CA1: variants seen among roughly 807,000 people sequenced by gnomAD.
CA1 encodes the protein carbonate dehydratase I.
CA1 carries 27 observed loss-of-function variants against 28.8 expected under a neutral mutation model. The ratio of observed to expected loss-of-function variants is 0.94; its 90% CI spans 0.69 to 1.29. The LOEUF (loss-of-function observed/expected upper bound fraction) is 1.29, where lower values mean the gene tolerates loss of function less well. Among genes scored for constraint, CA1 ranks in the 50% most tolerant of loss-of-function variants. The pLI is 0.00. For missense variants in CA1, 335 were observed against 310.5 expected (o/e 1.08, Z -0.59); for synonymous variants, 121 against 108.8 (o/e 1.11, Z -0.70).
At chr8:85,363,869 C>T (rs1029193746) in intron 1 of CA1, among the ~76,000 whole-genome samples, 2 of 152,240 alleles carry the variant, frequency 1.3e-5, no homozygotes, top group African/African-American at 4.8e-5. Context: ...AACACCACCA[C>T]CTAGCAGGCA....
chr8:85,344,225 TAC>T (rs1344680109), intron 1 of CA1, among the ~76,000 whole-genome samples: 2 of 62,314 alleles, frequency 3.2e-5, no homozygotes, highest in Non-Finnish European at 5.7e-5. Flanking sequence ...TTATATTATA[TAC>T]AGTATATAAT....
chr8:85,360,935 C>A (rs2130342943), intron 1 of CA1, among the ~76,000 whole-genome samples: 1 of 152,312 alleles, frequency 6.6e-6, no homozygotes, highest in Non-Finnish European at 1.5e-5. Flanking sequence ...CCATTTCTCT[C>A]TTGCAGAACC....
chr8:85,360,226 A>G (rs1809742240), intron 1 of CA1, among the ~76,000 whole-genome samples: 1 of 152,352 alleles, frequency 6.6e-6, no homozygotes, highest in South Asian at 2.1e-4. Context: ...TACCTTAAAT[A>G]GAAAAATCAA....
At position 85,336,976 on chromosome 8, in the gene CA1, T is replaced by C. The variant is rs189637270; in HGVS notation, c.323A>G (p.His108Arg). The C allele has an allele frequency of 3.0e-5, 48 of 1,611,166 alleles. No individual in the cohort carries two copies. In the African/African-American group the frequency reaches 5.9e-4, roughly 20 times the overall value. Reference protein sequence around the residue: ...WGSTNEHGSEHTVDGVKYSAE... With the variant: ...WGSTNEHGSERTVDGVKYSAE... ...AGAATATTTGACTCCATCCACTGTA[T>C]GTTCTGAACCATGCTCATTTGTACT... Residue 108 changes from histidine (H) to arginine (R), a missense_variant, in exon 4 of 8, where the codon CAT becomes CGT. Physicochemically the swap from His to Arg is conservative, Grantham distance 29. Coordinates refer to ENST00000523022, the MANE Select transcript of CA1 (RefSeq NM_001128831.4).
Position 85,376,368 on chromosome 8 carries a change from A to G in CA1, c.-25+1678T>C, listed in dbSNP as rs559966293. Among the ~76,000 whole-genome samples, 29 of 151,838 alleles carry G rather than the reference A, an allele frequency of 1.9e-4. No individual in the cohort carries two copies. In the South Asian group the frequency reaches 2.1e-3, roughly 11 times the overall value. On this transcript the variant is annotated intron_variant, in intron 1 of 7. Coordinates refer to ENST00000523022, the MANE Select transcript of CA1 (RefSeq NM_001128831.4). ...AGTTATAAAAGAGGTAACTTTAAAA[A>G]TTGGGTAAGGGGGCCGGGCACGGTG... is the stretch of plus-strand genomic sequence containing the variant.
chr8:85,329,983 A>T (rs547885939), intron 6 of CA1, 139 bp from the exon 7 acceptor site: 1 of 717,668 alleles, frequency 1.4e-6, no homozygotes, highest in Non-Finnish European at 2.4e-6. Flanking sequence ...ACTATTTAGT[A>T]TTTCATGACT....
At chr8:85,351,681 G>A (rs544372150) in intron 1 of CA1, 1 of 152,322 alleles carries the variant, frequency 6.6e-6, no homozygotes, top group African/African-American at 2.4e-5. Flanking sequence ...CCGGCCTAAA[G>A]CAACTGATTT....
intron 1 of CA1, among the ~76,000 whole-genome samples, chr8:85,358,008 A>C (rs1288406050): frequency 6.6e-6 from 1 of 152,230 alleles, no homozygotes; most frequent in Non-Finnish European, 1.5e-5. Context: ...CTATGAAAAT[A>C]TCCAAGAAAC....
At chr8:85,364,516 A>G (rs1809929124) in intron 1 of CA1, among the ~76,000 whole-genome samples, 1 of 152,210 alleles carries the variant, frequency 6.6e-6, no homozygotes, top group Admixed American at 6.5e-5. Flanking sequence ...TAAATATTGG[A>G]ATGAATAAGC....
intron 1 of CA1, among the ~76,000 whole-genome samples, chr8:85,349,262 A>G (rs1319891656): frequency 1.3e-5 from 2 of 152,208 alleles, no homozygotes; most frequent in Middle Eastern, 3.2e-3. Flanking sequence ...TCGGAGGCTG[A>G]GAAAAACAAA....
chr8:85,360,501 G>A (rs910280648), intron 1 of CA1, among the ~76,000 whole-genome samples: 6 of 152,158 alleles, frequency 3.9e-5, no homozygotes, highest in South Asian at 4.1e-4. Flanking sequence ...AGACCAGCCC[G>A]GGCAACATGG....
intron 2 of CA1, among the ~76,000 whole-genome samples, chr8:85,339,221 C>CA (rs1808814322): frequency 3.3e-5 from 5 of 152,282 alleles, no homozygotes; most frequent in African/African-American, 1.2e-4. Context: ...AGCAACCTTG[C>CA]ATCAAGCAAG....
intron 7 of CA1, among the ~76,000 whole-genome samples, chr8:85,329,328 A>G (rs1054707480): frequency 6.6e-6 from 1 of 152,188 alleles, no homozygotes; most frequent in African/African-American, 2.4e-5. Flanking sequence ...TATTTTGCCA[A>G]CTATCAAGGT....
intron 1 of CA1, among the ~76,000 whole-genome samples, chr8:85,343,906 C>T (rs2130237771): frequency 6.6e-6 from 1 of 151,422 alleles, no homozygotes; most frequent in South Asian, 2.1e-4. Flanking sequence ...TTTCTGCTTA[C>T]AAATTTTGCT....
intron 1 of CA1, among the ~76,000 whole-genome samples, chr8:85,366,463 T>C (rs566686055): frequency 6.6e-6 from 1 of 152,180 alleles, no homozygotes; most frequent in South Asian, 2.1e-4. Context: ...AAAACATAGA[T>C]CAAAACAATG....
intron 1 of CA1, among the ~76,000 whole-genome samples, chr8:85,354,383 A>G (rs1472729282): frequency 6.6e-6 from 1 of 151,902 alleles, no homozygotes; most frequent in African/African-American, 2.4e-5. Context: ...GAAGGAAATT[A>G]ATCTCTTAGA....
At chr8:85,329,962 T>C in intron 6 of CA1, 118 bp from the exon 7 acceptor site, 2 of 845,836 alleles carry the variant, frequency 2.4e-6, no homozygotes, top group Non-Finnish European at 3.8e-6. Flanking sequence ...CTAAGAGTCA[T>C]TGATTTTTCT....
chr8:85,362,514 G>T (rs923954918), intron 1 of CA1, among the ~76,000 whole-genome samples: 3 of 152,148 alleles, frequency 2.0e-5, no homozygotes, highest in Non-Finnish European at 4.4e-5. Context: ...GGAAATAAAA[G>T]ATGATTTTTG....
intron 1 of CA1, among the ~76,000 whole-genome samples, chr8:85,357,145 G>A (rs1253472316): frequency 6.6e-6 from 1 of 152,172 alleles, no homozygotes; most frequent in African/African-American, 2.4e-5. Flanking sequence ...GTCAGGTCAG[G>A]TTAGGCCCAC....
Sources: gnomAD v4.1 joint callset for allele counts (sites outside exome capture counted in the v4.1 genomes callset) on GRCh38, gnomAD v4.1.1 for gene constraint, MANE v1.5 for transcripts, NCBI Gene and HGNC (gene_info 2026-07-23, HGNC 2026-07-21) for gene names.